The following ZFAT variants were observed in gnomAD, a reference collection of about 807,000 sequenced individuals.
ZFAT encodes zinc finger protein ZFAT.
In ZFAT, 64 loss-of-function variants were observed where a neutral mutation model predicts 117.7. That is an observed-to-expected ratio of 0.54 (90% CI 0.44 to 0.67). ZFAT has a LOEUF of 0.67. Among genes scored for constraint, ZFAT ranks in the 30% least tolerant of loss-of-function variants. The probability of loss-of-function intolerance (pLI) is 0.00; values close to 1 mark genes in which losing one functional copy is unlikely to be tolerated. For missense variants in ZFAT, 1,433 were observed against 1,584.5 expected (o/e 0.90, Z 1.62); for synonymous variants, 679 against 615.0 (o/e 1.10, Z -1.54).
chr8:134,657,550 A>G lies in ZFAT; in HGVS notation c.196+11T>C. The stretch of plus-strand genomic sequence containing the variant: ...CAGAAGGTATCCTGCCCCACCCCCC[A>G]GCCCCCTTACCATCTCCGGTTTTGC... On this transcript the variant is annotated intron_variant, in intron 2 of 15. Coordinates refer to ENST00000377838, the MANE Select transcript of ZFAT (RefSeq NM_020863.4). The G allele has an allele frequency of 3.1e-6, 5 of 1,602,818 alleles. No homozygotes were observed. The highest frequency in any genetic ancestry group is 1.3e-5 in the African/African-American group (1 of 74,746).
the ZFAT span, among the ~76,000 whole-genome samples, chr8:134,760,854 G>A: frequency 6.6e-6 from 1 of 152,166 alleles, no homozygotes; most frequent in Non-Finnish European, 1.5e-5. Flanking sequence ...TTACAAGACA[G>A]GTGCTAACTG....
chr8:134,590,659 CAA>C (rs1343170918), intron 7 of ZFAT, among the ~76,000 whole-genome samples: 21 of 148,600 alleles, frequency 1.4e-4, no homozygotes, highest in African/African-American at 4.9e-4. Context: ...CCACCACCAC[CAA>C]CACCACCACA....
At position 134,478,819 on chromosome 8, in the gene ZFAT, T is replaced by C. The variant is rs1052212296; in HGVS notation, c.3493-98A>G. On this transcript the variant is annotated intron_variant, in intron 15 of 15. Coordinates refer to ENST00000377838, the MANE Select transcript of ZFAT (RefSeq NM_020863.4). This position sits in a 1 kb window ranked among gnomAD's most constrained non-coding sequence, Gnocchi z 5.2. Reference sequence around the variant, plus strand: ...TACAGTTTAGGAGGCACCAGTGCGCTGCGGGAGCACGTCCATTCTCCACGG... The same window carrying C: ...TACAGTTTAGGAGGCACCAGTGCGCCGCGGGAGCACGTCCATTCTCCACGG... The C allele has an allele frequency of 2.1e-5, 31 of 1,469,170 alleles. No homozygotes were observed. Among genetic ancestry groups the C allele is most frequent in the Admixed American group, 2.1e-4 (10 of 48,100 alleles). 91.0% of individuals were successfully genotyped at this position (1,469,170 alleles called of 1,614,324 possible).
intron 3 of ZFAT, among the ~76,000 whole-genome samples, chr8:134,622,674 G>C (rs1056122020): frequency 6.6e-6 from 1 of 152,144 alleles, no homozygotes; most frequent in African/African-American, 2.4e-5. Flanking sequence ...TGACCAGTAA[G>C]GACCACACAA....
At chr8:134,811,614 A>T in the ZFAT span, among the ~76,000 whole-genome samples, 1 of 152,212 alleles carries the variant, frequency 6.6e-6, no homozygotes, top group Non-Finnish European at 1.5e-5. Flanking sequence ...CTCTCACAGC[A>T]GCAAAGTGAT....
chr8:134,806,807 G>C, the ZFAT span, among the ~76,000 whole-genome samples: 1 of 152,140 alleles, frequency 6.6e-6, no homozygotes, highest in Non-Finnish European at 1.5e-5. Context: ...TGAATATTAA[G>C]TATATGTGAT....
At chr8:134,598,798 T>C (rs1037889253) in intron 7 of ZFAT, 1 of 152,220 alleles carries the variant, frequency 6.6e-6, no homozygotes, top group Non-Finnish European at 1.5e-5. Flanking sequence ...CAGTGCTTGC[T>C]CCATGCCAGG....
chr8:134,548,330 A>G lies in ZFAT; in HGVS notation c.2977-15358T>C, dbSNP rs543035182. Among the ~76,000 whole-genome samples, 7 of 152,342 alleles carry G rather than the reference A, an allele frequency of 4.6e-5. No homozygotes were observed. In the South Asian group the frequency reaches 1.5e-3, roughly 32 times the overall value. On this transcript the variant is annotated intron_variant, in intron 11 of 15. Coordinates refer to ENST00000377838, the MANE Select transcript of ZFAT (RefSeq NM_020863.4). ...TGAGCCAAGACCTGAAGGAGGTGAG[A>G]GAAGCCCCGTGTGGCTACCTGGGAG...
intron 1 of ZFAT, among the ~76,000 whole-genome samples, chr8:134,691,992 G>A (rs1332470107): frequency 6.6e-6 from 1 of 152,038 alleles, no homozygotes; most frequent in Non-Finnish European, 1.5e-5. Context: ...CAAGTAGCTG[G>A]GATTACAGGC....
chr8:134,586,851 C>A (rs1826103539), intron 9 of ZFAT, among the ~76,000 whole-genome samples: 1 of 152,194 alleles, frequency 6.6e-6, no homozygotes, highest in African/African-American at 2.4e-5. Context: ...CCAGTTCCAC[C>A]ACTTGTTAGC....
At chr8:134,617,393 T>C (rs565001174) in intron 3 of ZFAT, among the ~76,000 whole-genome samples, 5 of 152,360 alleles carry the variant, frequency 3.3e-5, no homozygotes, top group Non-Finnish European at 7.3e-5. Context: ...TTAAGACTTT[T>C]ATCACCTCTA....
At chr8:134,525,578 C>T (rs979247156) in intron 12 of ZFAT, among the ~76,000 whole-genome samples, 3 of 152,190 alleles carry the variant, frequency 2.0e-5, no homozygotes, top group African/African-American at 4.8e-5. Context: ...AAATCAATTC[C>T]GTGTCAGTGG....
intron 1 of ZFAT, among the ~76,000 whole-genome samples, chr8:134,671,908 T>C (rs1832579059): frequency 6.6e-6 from 1 of 152,224 alleles, no homozygotes; most frequent in South Asian, 2.1e-4. Context: ...CAGCAAAGTC[T>C]CAGGATACAA....
At chr8:134,755,403 C>T in the ZFAT span, among the ~76,000 whole-genome samples, 1 of 128,734 alleles carries the variant, frequency 7.8e-6, no homozygotes, top group African/African-American at 3.0e-5. Context: ...CAGTGAGACT[C>T]TGTCTCAAAA....
At chr8:134,622,812 T>C (rs1427463715) in intron 3 of ZFAT, among the ~76,000 whole-genome samples, 1 of 152,036 alleles carries the variant, frequency 6.6e-6, no homozygotes, top group African/African-American at 2.4e-5. Context: ...CCCTGCCAGG[T>C]TATCACAGGC....
intron 14 of ZFAT, among the ~76,000 whole-genome samples, chr8:134,511,849 C>T (rs985747163): frequency 6.6e-6 from 1 of 152,078 alleles, no homozygotes; most frequent in African/African-American, 2.4e-5. Flanking sequence ...CCTGACTGGG[C>T]CTTTTGGGAA....
chr8:134,687,555 A>G (rs1232423263), intron 1 of ZFAT, among the ~76,000 whole-genome samples: 1 of 152,174 alleles, frequency 6.6e-6, no homozygotes, highest in Non-Finnish European at 1.5e-5. Flanking sequence ...ATCATTTTAC[A>G]TAAACAGGAA....
At position 134,637,680 on chromosome 8, in the gene ZFAT, G is replaced by A. The variant is rs1259991107; in HGVS notation, c.229C>T (p.Pro77Ser). Residue 77 changes from proline (P) to serine (S), a missense_variant, in exon 3 of 16, where the codon CCT becomes TCT. By Grantham distance (74) the Pro-to-Ser change is moderately conservative. Around this residue, in one of 5 missense-constraint regions of ZFAT, gnomAD observed 436 missense variants for 482.0 expected, o/e 0.90. Transcript: ENST00000377838. ...CTGGACTTCTTCGTGGACCCCTTAG[G>A]CCTGCCTCTCTTCCTCTTCATGACC... is the stretch of plus-strand genomic sequence containing the variant. ...FLVMKRKRGR[P>S]KGSTKKSSTE... is the part of the protein sequence containing the mutation. 6.2e-7 allele frequency: 1 copy of A among 1,614,022 alleles called. No homozygotes were observed. The highest frequency in any genetic ancestry group is 2.2e-5 in the East Asian group (1 of 44,884).
chr8:134,814,847 A>T, the ZFAT span, among the ~76,000 whole-genome samples: 1 of 152,344 alleles, frequency 6.6e-6, no homozygotes, highest in South Asian at 2.1e-4. Flanking sequence ...TAAATGAGCA[A>T]CAGAGAAGGC....
Sources: allele counts gnomAD v4.1 joint callset (sites outside exome capture counted in the v4.1 genomes callset), GRCh38; gene constraint gnomAD v4.1.1; regional missense constraint gnomAD v4.1.1; non-coding constraint Gnocchi (gnomAD v3.1); transcripts MANE v1.5; gene names NCBI Gene and HGNC (gene_info 2026-07-23, HGNC 2026-07-21).